The following PTPRN2 variants were observed in gnomAD, a reference collection of about 807,000 sequenced individuals.
PTPRN2 encodes the protein receptor-type tyrosine-protein phosphatase N2.
Under a neutral mutation model 118.8 loss-of-function variants are expected in PTPRN2, and 74 were observed. That is an observed-to-expected ratio of 0.62 (90% CI 0.52 to 0.76). The LOEUF is 0.76. PTPRN2 is among the 30% of genes least tolerant of loss of function. The probability of loss-of-function intolerance (pLI) is 0.00; values close to 1 mark genes in which losing one functional copy is unlikely to be tolerated. For synonymous variants in PTPRN2, 641 were observed against 608.0 expected (o/e 1.05, Z -0.80); for missense variants, 1,481 against 1,394.4 (o/e 1.06, Z -0.99).
chr7:158,491,129 G>A (rs1356467434), intron 1 of PTPRN2, among the ~76,000 whole-genome samples: 1 of 152,248 alleles, frequency 6.6e-6, no homozygotes, highest in African/African-American at 2.4e-5. Flanking sequence ...AAACCAGCAC[G>A]TGCGGAGGCT....
chr7:157,790,820 G>C (rs1188672032), intron 12 of PTPRN2, among the ~76,000 whole-genome samples: 2 of 152,250 alleles, frequency 1.3e-5, no homozygotes, highest in Non-Finnish European at 2.9e-5. Flanking sequence ...ACAACTTGGT[G>C]AGGAAACAGG....
intron 2 of PTPRN2, among the ~76,000 whole-genome samples, chr7:158,428,251 A>G (rs1166454152): frequency 6.6e-6 from 1 of 151,870 alleles, no homozygotes; most frequent in African/African-American, 2.4e-5. Flanking sequence ...TAACAGTAAT[A>G]AAACATGAGG....
chr7:157,776,768 T>C (rs1161178833), intron 12 of PTPRN2, among the ~76,000 whole-genome samples: 1 of 76,642 alleles, frequency 1.3e-5, no homozygotes, highest in Non-Finnish European at 2.6e-5. Context: ...CCTCCTACCT[T>C]TCCTCCTCCT....
intron 11 of PTPRN2, among the ~76,000 whole-genome samples, chr7:158,071,797 TCC>T (rs1184649523): frequency 3.5e-5 from 4 of 114,938 alleles, no homozygotes; most frequent in South Asian, 3.2e-4. Context: ...GTGGAGGTGC[TCC>T]TGGTGGAGGT....
At position 158,330,986 on chromosome 7, in the gene PTPRN2, C is replaced by A. The variant is rs527467162; in HGVS notation, c.164-14054G>T. Reference sequence around the variant, plus strand: ...GACGACACTCACACCCACACTCTCACCATAAGAGCTGACACCCGCAGACGT... The same window carrying A: ...GACGACACTCACACCCACACTCTCAACATAAGAGCTGACACCCGCAGACGT... On this transcript the variant is annotated intron_variant, in intron 2 of 22. Coordinates refer to ENST00000389418, the MANE Select transcript of PTPRN2 (RefSeq NM_002847.5). 1.2e-3 allele frequency among the ~76,000 whole-genome samples: 142 copies of A among 122,886 alleles called. 4 individuals carry two copies. The highest frequency in any genetic ancestry group is 4.2e-3 in the African/African-American group (136 of 32,302). 80.6% of individuals were successfully genotyped at this position (122,886 alleles called of 152,430 possible).
intron 6 of PTPRN2, among the ~76,000 whole-genome samples, chr7:158,147,873 C>A (rs1217300410): frequency 1.6e-4 from 21 of 133,252 alleles, no homozygotes; most frequent in South Asian, 7.8e-4. Flanking sequence ...TCAATGACAC[C>A]CCATCTCACG....
At chr7:158,050,371 C>T (rs1449567594) in intron 11 of PTPRN2, among the ~76,000 whole-genome samples, 2 of 152,196 alleles carry the variant, frequency 1.3e-5, no homozygotes, top group African/African-American at 4.8e-5. Flanking sequence ...ATTTCTTTGG[C>T]TCAGTGTCCT....
At position 157,603,272 on chromosome 7, in the gene PTPRN2, T is replaced by A. The variant is rs1801789786; in HGVS notation, c.2418+730A>T. 6.6e-6 allele frequency among the ~76,000 whole-genome samples: 1 copy of A among 151,066 alleles called. No individual in the cohort carries two copies. Among genetic ancestry groups the A allele is most frequent in the Non-Finnish European group, 1.5e-5 (1 of 67,860 alleles). On this transcript the variant is annotated intron_variant, in intron 16 of 22. Coordinates refer to ENST00000389418, the MANE Select transcript of PTPRN2 (RefSeq NM_002847.5). The surrounding 1 kb of genome is among the most constrained non-coding windows in gnomAD (Gnocchi z 5.4). The stretch of plus-strand genomic sequence containing the variant: ...GCTCACTCTGGGAGGGCTGCAAACC[T>A]CCCCATTCAGCCCTGCTCCCCCGAC...
chr7:158,498,027 G>A (rs1190576662), intron 1 of PTPRN2, among the ~76,000 whole-genome samples: 2 of 152,246 alleles, frequency 1.3e-5, no homozygotes, highest in Middle Eastern at 3.2e-3. Flanking sequence ...CACCCCATAC[G>A]CCTGGTCAGT....
rs989054168 is a variant in PTPRN2, at chr7:158,435,516, G to C, written c.163+54219C>G. Among the ~76,000 whole-genome samples, 57 of 152,204 alleles carry C rather than the reference G, an allele frequency of 3.7e-4. 1 individual carries two copies. Among genetic ancestry groups the C allele is most frequent in the Non-Finnish European group, 2.2e-4 (15 of 67,998 alleles). ...GGTCCTTATGGAAAACAGTATACAG[G>C]TTCCTCAAAAAATTAAAAATAGAAC... On this transcript the variant is annotated intron_variant, in intron 2 of 22. Coordinates refer to ENST00000389418, the MANE Select transcript of PTPRN2 (RefSeq NM_002847.5).
chr7:158,381,696 C>T (rs1213160747), intron 2 of PTPRN2, among the ~76,000 whole-genome samples: 1 of 152,136 alleles, frequency 6.6e-6, no homozygotes, highest in Non-Finnish European at 1.5e-5. Context: ...TACCAATTTA[C>T]TGTATTAGTC....
At chr7:158,446,261 AC>A (rs140720241) in intron 2 of PTPRN2, among the ~76,000 whole-genome samples, 242 of 152,314 alleles carry the variant, frequency 1.6e-3, no homozygotes, top group Non-Finnish European at 2.4e-3. Context: ...GAGAAAAATT[AC>A]CCCCAATCTA....
intron 3 of PTPRN2, among the ~76,000 whole-genome samples, chr7:158,287,846 G>C (rs1799863566): frequency 6.6e-6 from 1 of 152,100 alleles, no homozygotes; most frequent in Non-Finnish European, 1.5e-5. Flanking sequence ...TAAAAGTATA[G>C]TTTAAGACTG....
intron 12 of PTPRN2, among the ~76,000 whole-genome samples, chr7:157,691,079 C>CT (rs936233872): frequency 8.0e-6 from 1 of 124,776 alleles, no homozygotes; most frequent in African/African-American, 2.9e-5. Flanking sequence ...CCCCCCCCCC[C>CT]CCACATGTTG....
chr7:158,562,729 G>A (rs577279336), intron 1 of PTPRN2, among the ~76,000 whole-genome samples: 10 of 152,306 alleles, frequency 6.6e-5, no homozygotes, highest in Non-Finnish European at 7.3e-5. Flanking sequence ...TGATAATGGC[G>A]TGAAGGCAAA....
chr7:157,801,222 C>G lies in PTPRN2; in HGVS notation c.1788+97451G>C, dbSNP rs1805277304. 6.6e-6 allele frequency among the ~76,000 whole-genome samples: 1 copy of G among 152,076 alleles called. No homozygotes were observed. The highest frequency in any genetic ancestry group is 1.5e-5 in the Non-Finnish European group (1 of 68,034). Reference sequence around the variant, plus strand: ...GCTACACGGTGCAAGTTACGCCAGACCAGAAACTGAACCGACGCTGAAAGT... The same window carrying G: ...GCTACACGGTGCAAGTTACGCCAGAGCAGAAACTGAACCGACGCTGAAAGT... On this transcript the variant is annotated intron_variant, in intron 12 of 22. Coordinates refer to ENST00000389418, the MANE Select transcript of PTPRN2 (RefSeq NM_002847.5). This position sits in a 1 kb window ranked among gnomAD's most constrained non-coding sequence, Gnocchi z 4.2.
At chr7:158,066,658 A>ACACCTGAGTTGTGGTGACTCT in intron 11 of PTPRN2, among the ~76,000 whole-genome samples, 1 of 152,244 alleles carries the variant, frequency 6.6e-6, no homozygotes, top group East Asian at 1.9e-4. Context: ...CACACACCTG[A>ACACCTGAGTTGTGGTGACTCT]CACCTGAGTT....
At chr7:158,402,588 A>G (rs1206106097) in intron 2 of PTPRN2, among the ~76,000 whole-genome samples, 2 of 152,178 alleles carry the variant, frequency 1.3e-5, no homozygotes, top group African/African-American at 4.8e-5. Flanking sequence ...AGATAAATTA[A>G]AGCCCCAAAA....
intron 13 of PTPRN2, among the ~76,000 whole-genome samples, chr7:157,680,095 C>T (rs1025804999): frequency 6.6e-6 from 1 of 152,242 alleles, no homozygotes; most frequent in Non-Finnish European, 1.5e-5. Context: ...ACCATTCTCT[C>T]TCTCCGAGGT....
Sources: allele counts gnomAD v4.1 joint callset (sites outside exome capture counted in the v4.1 genomes callset), GRCh38; gene constraint gnomAD v4.1.1; non-coding constraint Gnocchi (gnomAD v3.1); transcripts MANE v1.5; gene names NCBI Gene and HGNC (gene_info 2026-07-23, HGNC 2026-07-21).